GRIK2: variants seen among roughly 807,000 people sequenced by gnomAD.
GRIK2 encodes glutamate receptor ionotropic, kainate 2.
GRIK2 carries 32 observed loss-of-function variants against 100.3 expected under a neutral mutation model. The ratio of observed to expected loss-of-function variants is 0.32; its 90% CI spans 0.24 to 0.43. GRIK2 has a LOEUF of 0.43. Ranked by LOEUF, GRIK2 falls within the 20% of genes least tolerant of loss-of-function variation. The pLI, the probability that GRIK2 is intolerant of heterozygous loss-of-function variation, is 1.00. For synonymous variants in GRIK2, 417 were observed against 389.4 expected (o/e 1.07, Z -0.83); for missense variants, 843 against 1,114.9 (o/e 0.76, Z 3.47).
At chr6:101,666,683 A>C (rs922920849) in intron 4 of GRIK2, among the ~76,000 whole-genome samples, 31 of 152,248 alleles carry the variant, frequency 2.0e-4, no homozygotes, top group African/African-American at 7.5e-4. Context: ...TGAATTTAAA[A>C]GTCTAGAGTT....
intron 12 of GRIK2, among the ~76,000 whole-genome samples, chr6:101,905,271 A>G (rs916028622): frequency 6.6e-6 from 1 of 151,588 alleles, no homozygotes; most frequent in African/African-American, 2.4e-5. Context: ...GAATGCAATT[A>G]TCAAAGGATT....
chr6:101,845,142 C>G (rs933429699), intron 10 of GRIK2, among the ~76,000 whole-genome samples: 22 of 152,152 alleles, frequency 1.4e-4, no homozygotes, highest in Admixed American at 1.3e-3. Context: ...ACTTCAGCCT[C>G]CCAAGTAGCT....
intron 12 of GRIK2, among the ~76,000 whole-genome samples, chr6:101,898,626 C>G (rs1176021654): frequency 6.6e-6 from 1 of 150,946 alleles, no homozygotes; most frequent in Non-Finnish European, 1.5e-5. Context: ...TAAAGCTAGT[C>G]TCTGGAAATG....
intron 16 of GRIK2, among the ~76,000 whole-genome samples, chr6:102,057,102 A>G (rs1319021533): frequency 6.6e-6 from 1 of 152,044 alleles, no homozygotes; most frequent in Non-Finnish European, 1.5e-5. Context: ...CTCATTAATT[A>G]TCATTTCAGG....
intron 11 of GRIK2, among the ~76,000 whole-genome samples, chr6:101,864,974 A>C (rs1158743299): frequency 3.9e-5 from 6 of 152,202 alleles, no homozygotes; most frequent in Non-Finnish European, 8.8e-5. Flanking sequence ...CTTTGTCTTT[A>C]AAGAGATTTG....
chr6:101,740,755 G>A (rs1483518145), intron 7 of GRIK2, among the ~76,000 whole-genome samples: 2 of 152,180 alleles, frequency 1.3e-5, no homozygotes, highest in Admixed American at 1.3e-4. Context: ...AAAGGAAGGG[G>A]AGCCGGCTGG....
intron 7 of GRIK2, among the ~76,000 whole-genome samples, chr6:101,718,339 A>G (rs776590297): frequency 1.8e-4 from 28 of 151,898 alleles, no homozygotes; most frequent in Non-Finnish European, 3.1e-4. Flanking sequence ...ATTATGATGT[A>G]AATTATAAGA....
At chr6:101,870,532 T>C (rs1785344926) in intron 11 of GRIK2, among the ~76,000 whole-genome samples, 1 of 151,890 alleles carries the variant, frequency 6.6e-6, no homozygotes, top group Admixed American at 6.6e-5. Flanking sequence ...GTATCTTTCA[T>C]AGCACTTGCC....
At chr6:102,062,704 TA>T (rs1295879219) in intron 16 of GRIK2, among the ~76,000 whole-genome samples, 2 of 150,578 alleles carry the variant, frequency 1.3e-5, no homozygotes, top group Non-Finnish European at 3.0e-5. Context: ...GTTATATTCA[TA>T]TAGCCTTAGG....
intron 7 of GRIK2, among the ~76,000 whole-genome samples, chr6:101,787,082 A>G (rs1474122015): frequency 6.6e-6 from 1 of 151,870 alleles, no homozygotes; most frequent in Admixed American, 6.6e-5. Flanking sequence ...TCCATTTCCT[A>G]TAAATTTTTG....
At chr6:101,902,910 G>A (rs746366987) in intron 12 of GRIK2, among the ~76,000 whole-genome samples, 1 of 151,868 alleles carries the variant, frequency 6.6e-6, no homozygotes, top group South Asian at 2.1e-4. Context: ...TGAATTAATA[G>A]GGGATGATTG....
chr6:101,545,700 A>G (rs1776198434), intron 2 of GRIK2, among the ~76,000 whole-genome samples: 1 of 152,156 alleles, frequency 6.6e-6, no homozygotes, highest in Non-Finnish European at 1.5e-5. Context: ...TACTAGGCAA[A>G]GATTTTAATT....
chr6:101,459,712 A>G (rs1285170388), intron 2 of GRIK2, among the ~76,000 whole-genome samples: 4 of 152,130 alleles, frequency 2.6e-5, no homozygotes, highest in Non-Finnish European at 4.4e-5. Context: ...GGCTCACTCT[A>G]GAGTGTCCTC....
intron 15 of GRIK2, among the ~76,000 whole-genome samples, chr6:102,049,843 G>A (rs1347584618): frequency 6.6e-6 from 1 of 151,980 alleles, no homozygotes; most frequent in Non-Finnish European, 1.5e-5. Context: ...TGAATGAGAG[G>A]TTTCCAGAAT....
At chr6:101,530,538 T>C (rs1299315482) in intron 2 of GRIK2, among the ~76,000 whole-genome samples, 2 of 127,652 alleles carry the variant, frequency 1.6e-5, no homozygotes, top group Admixed American at 8.4e-5. Context: ...TGGATACATA[T>C]GGATGAAATA....
At chr6:101,494,999 A>G (rs930957724) in intron 2 of GRIK2, among the ~76,000 whole-genome samples, 1 of 144,288 alleles carries the variant, frequency 6.9e-6, no homozygotes, top group Non-Finnish European at 1.5e-5. Context: ...ATATATATAT[A>G]TGAAGGAAAA....
intron 15 of GRIK2, among the ~76,000 whole-genome samples, chr6:102,038,610 TTTAC>T (rs143631871): frequency 2.6e-3 from 397 of 151,480 alleles, no homozygotes; most frequent in African/African-American, 8.4e-3. Flanking sequence ...TGTTAATATA[TTTAC>T]TTACTTACTT....
At chr6:101,973,296 G>A (rs1326058299) in intron 14 of GRIK2, among the ~76,000 whole-genome samples, 4 of 151,800 alleles carry the variant, frequency 2.6e-5, no homozygotes, top group Non-Finnish European at 5.9e-5. Flanking sequence ...TTGAAGTAAT[G>A]TTTCTAAACA....
intron 12 of GRIK2, among the ~76,000 whole-genome samples, chr6:101,920,706 G>T (rs561397297): frequency 4.2e-5 from 6 of 144,404 alleles, no homozygotes; most frequent in Non-Finnish European, 9.1e-5. Flanking sequence ...TATGAGCAAA[G>T]AAATGAATAA....
Sources: gnomAD v4.1 joint callset for allele counts (sites outside exome capture counted in the v4.1 genomes callset) on GRCh38, gnomAD v4.1.1 for gene constraint, MANE v1.5 for transcripts, NCBI Gene and HGNC (gene_info 2026-07-23, HGNC 2026-07-21) for gene names.